YES1: variants seen among roughly 807,000 people sequenced by gnomAD.
The protein encoded by YES1 is tyrosine-protein kinase Yes.
YES1 carries 39 observed loss-of-function variants against 70.4 expected under a neutral mutation model. That is an observed-to-expected ratio of 0.55 (90% CI 0.43 to 0.72). The LOEUF (loss-of-function observed/expected upper bound fraction) is 0.72. YES1 is among the 30% of genes least tolerant of loss of function. The probability of loss-of-function intolerance (pLI) is 0.00; values close to 1 mark genes in which losing one functional copy is unlikely to be tolerated. For synonymous variants in YES1, 198 were observed against 218.6 expected (o/e 0.91, Z 0.83); for missense variants, 495 against 644.8 (o/e 0.77, Z 2.52).
intron 1 of YES1, among the ~76,000 whole-genome samples, chr18:776,354 T>C (rs920885479): frequency 6.6e-6 from 1 of 152,160 alleles, no homozygotes; most frequent in Non-Finnish European, 1.5e-5. Flanking sequence ...CCACCACGCC[T>C]GGCCAATCTT....
intron 1 of YES1, among the ~76,000 whole-genome samples, chr18:801,779 A>C (rs2145835224): frequency 6.6e-6 from 1 of 152,316 alleles, no homozygotes; most frequent in African/African-American, 2.4e-5. Flanking sequence ...CAACACTTGA[A>C]ACAGTTTAGT....
rs2079988940 is a variant in YES1 at position 724,001 on chromosome 18, C to T, written c.*423G>A. ...AAAAACTGGAATGGAATTATTTGGT[C>T]CCATGATATTCCTTAATTTTAGATT... On this transcript the variant is annotated 3_prime_UTR_variant, in exon 12 of 12. Transcript: ENST00000314574. 1 of 157,586 alleles carries T rather than the reference C, an allele frequency of 6.3e-6. No homozygotes were observed. The highest frequency in any genetic ancestry group is 2.4e-5 in the African/African-American group (1 of 41,466). The allele number at this position is 157,586 out of a possible 1,614,324, so 9.8% of individuals were successfully genotyped here.
At chr18:798,542 A>T (rs893915150) in intron 1 of YES1, among the ~76,000 whole-genome samples, 1 of 152,174 alleles carries the variant, frequency 6.6e-6, no homozygotes, top group Non-Finnish European at 1.5e-5. Flanking sequence ...TGGTGAGAAG[A>T]TGCATAGGGG....
chr18:811,263 C>T (rs1440819911), intron 1 of YES1, among the ~76,000 whole-genome samples: 1 of 152,116 alleles, frequency 6.6e-6, no homozygotes, highest in Non-Finnish European at 1.5e-5. Context: ...TATAATTATA[C>T]AGTATGTTAT....
In YES1 at chr18:724,249, T is replaced by TA. The variant is rs2145652391; in HGVS notation, c.*174dup. ...GCTGATAAATTCATCATTGGTACAT[T>TA]AGAGTTTAATACTTGGGGAAAAAAA... is the stretch of plus-strand genomic sequence containing the variant. On this transcript the variant is annotated 3_prime_UTR_variant, in exon 12 of 12. Coordinates refer to ENST00000314574, the MANE Select transcript of YES1 (RefSeq NM_005433.4). The TA allele has an allele frequency of 1.6e-6, 1 of 616,476 alleles. No homozygotes were observed. Among genetic ancestry groups the TA allele is most frequent in the South Asian group, 2.1e-5 (1 of 48,528 alleles). The allele number at this position is 616,476 out of a possible 1,614,324, so 38.2% of individuals were successfully genotyped here.
chr18:728,830 C>T (rs1171718033), intron 11 of YES1, among the ~76,000 whole-genome samples: 4 of 152,098 alleles, frequency 2.6e-5, no homozygotes, highest in African/African-American at 4.8e-5. Context: ...AGCTGCATTT[C>T]GGATTTTTGA....
chr18:729,846 C>CA (rs2080067431), intron 11 of YES1, among the ~76,000 whole-genome samples: 1 of 152,038 alleles, frequency 6.6e-6, no homozygotes, highest in African/African-American at 2.4e-5. Context: ...AGGCTGGTCT[C>CA]AAACTCCTGA....
At chr18:732,689 A>G in intron 11 of YES1, 145 bp downstream of exon 11, 1 of 1,082,702 alleles carries the variant, frequency 9.2e-7, no homozygotes. Context: ...CCAATGCCAC[A>G]GTAAAGGGAA....
intron 8 of YES1, among the ~76,000 whole-genome samples, chr18:741,789 C>T (rs147655425): frequency 2.5e-4 from 38 of 151,958 alleles, no homozygotes; most frequent in African/African-American, 8.5e-4. Flanking sequence ...GAGTGAGGCC[C>T]CACCTCACAA....
intron 1 of YES1, among the ~76,000 whole-genome samples, chr18:758,208 C>A (rs1904391701): frequency 6.6e-6 from 1 of 152,014 alleles, no homozygotes; most frequent in Non-Finnish European, 1.5e-5. Context: ...ATTTTAATGA[C>A]ATTTTATTTT....
intron 1 of YES1, among the ~76,000 whole-genome samples, chr18:768,758 A>C (rs977696248): frequency 6.6e-6 from 1 of 152,158 alleles, no homozygotes; most frequent in African/African-American, 2.4e-5. Flanking sequence ...CCTGGAGTGC[A>C]GTGGTGTGAT....
chr18:809,585 G>C (rs1221879354), intron 1 of YES1, among the ~76,000 whole-genome samples: 1 of 152,150 alleles, frequency 6.6e-6, no homozygotes, highest in Non-Finnish European at 1.5e-5. Context: ...ACAGGTGTGA[G>C]CCACCGTGCC....
chr18:807,534 G>C (rs1394884951), intron 1 of YES1, among the ~76,000 whole-genome samples: 2 of 152,202 alleles, frequency 1.3e-5, no homozygotes, highest in Admixed American at 6.5e-5. Flanking sequence ...CAAAAGATGC[G>C]ACTGCTGCTA....
At chr18:768,395 C>T (rs1255084781) in intron 1 of YES1, among the ~76,000 whole-genome samples, 5 of 152,202 alleles carry the variant, frequency 3.3e-5, no homozygotes, top group South Asian at 4.1e-4. Context: ...TACTGACTTC[C>T]GCTTGATCCA....
chr18:784,640 G>T (rs1156397526), intron 1 of YES1, among the ~76,000 whole-genome samples: 1 of 152,224 alleles, frequency 6.6e-6, no homozygotes, highest in Non-Finnish European at 1.5e-5. Flanking sequence ...TTTCTAGCTT[G>T]TGGGGGCTGC....
rs1424731887 is a variant in YES1 at position 724,610 on chromosome 18, T to C, written c.1446A>G (p.Leu482=). 2.4e-5 allele frequency: 38 copies of C among 1,614,006 alleles called. No individual in the cohort carries two copies. Among genetic ancestry groups the C allele is most frequent in the Non-Finnish European group, 2.8e-5 (33 of 1,179,988 alleles). Residue 482 remains leucine (L), a synonymous_variant, in exon 12 of 12, where the codon TTA becomes TTG. Coordinates refer to ENST00000314574, the MANE Select transcript of YES1 (RefSeq NM_005433.4). ...TCCTGTATCCTCGCTCCACTTGTTC[T>C]AATACTTCACGGTTCACCATACCTA... ...PYPGMVNREV[L]EQVERGYRMP... is the part of the protein sequence containing the mutation.
At chr18:781,825 TGCAAA>T (rs1447637136) in intron 1 of YES1, among the ~76,000 whole-genome samples, 1 of 152,182 alleles carries the variant, frequency 6.6e-6, no homozygotes, top group African/African-American at 2.4e-5. Context: ...TGATATCATA[TGCAAA>T]GCAATCATAG....
At chr18:800,810 G>C (rs1906781393) in intron 1 of YES1, among the ~76,000 whole-genome samples, 1 of 152,140 alleles carries the variant, frequency 6.6e-6, no homozygotes, top group Non-Finnish European at 1.5e-5. Context: ...CACTCTGGGA[G>C]GCCAAGGTCG....
In YES1 at chr18:771,059, G is replaced by A. The variant is rs539132360; in HGVS notation, c.-8-14224C>T. ...AACCTAGAAAAACATTTCATTCCCC[G>A]GTGTTAATAATCATTCAAGTGATGG... On this transcript the variant is annotated intron_variant, in intron 1 of 11. Transcript: ENST00000314574. Among the ~76,000 whole-genome samples the A allele has an allele frequency of 2.1e-4, 32 of 151,904 alleles. 1 individual carries two copies. The South Asian group carries it at 6.2e-3, about 30-fold the overall frequency.
Sources: allele counts gnomAD v4.1 joint callset (sites outside exome capture counted in the v4.1 genomes callset), GRCh38; gene constraint gnomAD v4.1.1; transcripts MANE v1.5; gene names NCBI Gene and HGNC (gene_info 2026-07-23, HGNC 2026-07-21).